HIVEP2: variants seen among roughly 807,000 people sequenced by gnomAD.
The protein encoded by HIVEP2 is transcription factor HIVEP2.
HIVEP2 carries 14 observed loss-of-function variants against 180.7 expected under a neutral mutation model. The observed-to-expected ratio is 0.08, with a 90% confidence interval of 0.05 to 0.12. The LOEUF (loss-of-function observed/expected upper bound fraction) is 0.12. Ranked by LOEUF, HIVEP2 falls within the 10% of genes least tolerant of loss-of-function variation. The probability of loss-of-function intolerance (pLI) is 1.00; values close to 1 mark genes in which losing one functional copy is unlikely to be tolerated. For synonymous variants in HIVEP2, 1,184 were observed against 1,136.4 expected, an observed-to-expected ratio of 1.04 and a Z score of -0.84; for missense variants, 2,579 against 3,008.5, an observed-to-expected ratio of 0.86 and a Z score of 3.34.
At chr6:142,787,344 T>C (rs141516467) in intron 2 of HIVEP2, among the ~76,000 whole-genome samples, 70 of 152,150 alleles carry the variant, frequency 4.6e-4, no homozygotes, top group Middle Eastern at 3.4e-3. Flanking sequence ...CAAGATATGA[T>C]AGTTTTATTT....
At chr6:142,936,933 T>G (rs1778073676) in intron 1 of HIVEP2, among the ~76,000 whole-genome samples, 1 of 152,114 alleles carries the variant, frequency 6.6e-6, no homozygotes, top group South Asian at 2.1e-4. Context: ...ATTAATAAAT[T>G]TTTTTAGAAT....
At chr6:142,822,799 G>A (rs896974381) in intron 2 of HIVEP2, among the ~76,000 whole-genome samples, 6 of 152,112 alleles carry the variant, frequency 3.9e-5, no homozygotes, top group African/African-American at 9.7e-5. Context: ...AGATTTACAG[G>A]ATAGAAGTGT....
At chr6:142,781,243 T>C (rs1481362543) in intron 3 of HIVEP2, among the ~76,000 whole-genome samples, 3 of 152,178 alleles carry the variant, frequency 2.0e-5, no homozygotes, top group Non-Finnish European at 2.9e-5. Context: ...TCCTAATCAA[T>C]TGATATATCA....
rs562355435 is a variant in HIVEP2, at chr6:142,800,809, G to C, written c.-527-17194C>G. On this transcript the variant is annotated intron_variant, in intron 2 of 9. Transcript: ENST00000367603. ...GGAAAGATCCTTCTGTTCTGATGTT[G>C]AGTGTCTCTCCCTAGGCTAATCCAA... is the stretch of plus-strand genomic sequence containing the variant. Among the ~76,000 whole-genome samples the C allele has an allele frequency of 1.9e-3, 289 of 152,250 alleles. 4 individuals carry two copies. The highest frequency in any genetic ancestry group is 6.4e-3 in the African/African-American group (266 of 41,550).
At position 142,791,161 on chromosome 6, in the gene HIVEP2, C is replaced by A. The variant is rs575411689; in HGVS notation, c.-527-7546G>T. Among the ~76,000 whole-genome samples, 5 of 152,254 alleles carry A rather than the reference C, an allele frequency of 3.3e-5. No homozygotes were observed. The East Asian group carries it at 9.7e-4, about 29-fold the overall frequency. ...CAGGAAACCAAAGAACAAATCTGGA[C>A]TCACACTGTCCCAGGTTCTATAAGG... is the stretch of plus-strand genomic sequence containing the variant. On this transcript the variant is annotated intron_variant, in intron 2 of 9. Coordinates refer to ENST00000367603, the MANE Select transcript of HIVEP2 (RefSeq NM_006734.4).
At chr6:142,851,442 A>C (rs192638721) in intron 1 of HIVEP2, among the ~76,000 whole-genome samples, 1 of 152,384 alleles carries the variant, frequency 6.6e-6, no homozygotes, top group African/African-American at 2.4e-5. Flanking sequence ...GAAATGAAAG[A>C]TCTAGAAACG....
intron 1 of HIVEP2, among the ~76,000 whole-genome samples, chr6:142,843,617 G>A (rs192722732): frequency 1.9e-3 from 296 of 152,322 alleles, no homozygotes; most frequent in Middle Eastern, 0.017. Context: ...CTGCTTTGTG[G>A]TTATAGATAT....
In HIVEP2 at chr6:142,772,605, T is replaced by C. The variant is rs199837959; in HGVS notation, c.2134A>G (p.Ile712Val). The change falls in exon 5 of 10, where the codon ATC (isoleucine) becomes GTC (valine). Residue 712 changes from isoleucine to valine, a missense_variant. Transcript: ENST00000367603. The surrounding 1 kb of genome is among the most constrained non-coding windows in gnomAD (Gnocchi z 4.9). ...GGAGTGCTTACAATGCTGCTGCAGA[T>C]CATGGGCGTGTCCTCTTCATCCCCT... is the stretch of plus-strand genomic sequence containing the variant. Reference protein sequence around the residue: ...SVGDEEDTPMICSSIVSTPVG... With the variant: ...SVGDEEDTPMVCSSIVSTPVG... 6.2e-7 allele frequency: 1 copy of C among 1,614,224 alleles called. No individual in the cohort carries two copies. The highest frequency in any genetic ancestry group is 1.7e-5 in the Admixed American group (1 of 60,028).
chr6:142,797,337 TCA>T (rs1327203161), intron 2 of HIVEP2, among the ~76,000 whole-genome samples: 3 of 152,202 alleles, frequency 2.0e-5, no homozygotes, highest in Non-Finnish European at 4.4e-5. Context: ...CTAAATGATT[TCA>T]CAATACTTTC....
intron 1 of HIVEP2, among the ~76,000 whole-genome samples, chr6:142,907,603 C>G (rs1356767012): frequency 6.6e-6 from 1 of 152,196 alleles, no homozygotes; most frequent in Non-Finnish European, 1.5e-5. Flanking sequence ...TGCCTCTACC[C>G]TACTCCAGCA....
intron 7 of HIVEP2, among the ~76,000 whole-genome samples, 197 bp from the exon 8 acceptor site, chr6:142,761,762 G>A (rs1350810585): frequency 2.6e-5 from 4 of 152,152 alleles, no homozygotes; most frequent in African/African-American, 9.7e-5. Flanking sequence ...ATCCCTGAGA[G>A]CTTTGGCCCA....
intron 1 of HIVEP2, among the ~76,000 whole-genome samples, chr6:142,887,461 G>A (rs1776730828): frequency 6.6e-6 from 1 of 152,090 alleles, no homozygotes; most frequent in South Asian, 2.1e-4. Flanking sequence ...AGTCATGGTG[G>A]TCTATGCTGG....
At chr6:142,892,607 CT>C in intron 1 of HIVEP2, among the ~76,000 whole-genome samples, 1 of 152,154 alleles carries the variant, frequency 6.6e-6, no homozygotes, top group East Asian at 1.9e-4. Context: ...TCTATAAATG[CT>C]TATAATAGAT....
At position 142,753,905 on chromosome 6, in the gene HIVEP2, A is replaced by T; in HGVS notation, c.6543T>A (p.Val2181=). The change falls in exon 10 of 10, where the codon GTT becomes GTA. Residue 2181 remains valine, a synonymous_variant. Coordinates refer to ENST00000367603, the MANE Select transcript of HIVEP2 (RefSeq NM_006734.4). ...PPNLRRGLPQ[V]PYFSLYGDQE... ...GGTCTCCATAGAGACTGAAGTAAGG[A>T]ACCTGAGGTAATCCTCTTCTTAAAT... is the stretch of plus-strand genomic sequence containing the variant. 6.2e-7 allele frequency: 1 copy of T among 1,601,140 alleles called. No homozygotes were observed. Among genetic ancestry groups the T allele is most frequent in the Non-Finnish European group, 8.5e-7 (1 of 1,171,408 alleles).
chr6:142,777,648 C>CAAAAAAAAAAAAAAAAAAA (rs58304452), intron 3 of HIVEP2, among the ~76,000 whole-genome samples: 1 of 27,674 alleles, frequency 3.6e-5, no homozygotes, highest in Non-Finnish European at 5.7e-5. Context: ...AACTCCATCT[C>CAAAAAAAAAAAAAAAAAAA]AAAAAAAAAA....
chr6:142,828,923 C>T (rs562101939), intron 2 of HIVEP2, among the ~76,000 whole-genome samples: 1 of 152,186 alleles, frequency 6.6e-6, no homozygotes, highest in Admixed American at 6.5e-5. Flanking sequence ...ATAGCCAATC[C>T]CAAGCCAAAG....
chr6:142,867,302 C>A (rs1365894644), intron 1 of HIVEP2, among the ~76,000 whole-genome samples: 1 of 152,036 alleles, frequency 6.6e-6, no homozygotes, highest in Non-Finnish European at 1.5e-5. Context: ...GACTACACAT[C>A]AGTGGTCTTT....
At position 142,767,902 on chromosome 6, in the gene HIVEP2, A is replaced by G. The variant is rs138996069; in HGVS notation, c.5342+480T>C. ...CTTGGATCCTGGGACAGAAAAGGAT[A>G]TTGATGGAACTGGTGAAATCCCATT... On this transcript the variant is annotated intron_variant, in intron 6 of 9. Transcript: ENST00000367603. 1.4e-4 allele frequency among the ~76,000 whole-genome samples: 22 copies of G among 152,338 alleles called. No individual in the cohort carries two copies. The East Asian group carries it at 4.2e-3, about 29-fold the overall frequency.
At chr6:142,805,416 C>T (rs1776523152) in intron 2 of HIVEP2, among the ~76,000 whole-genome samples, 1 of 149,112 alleles carries the variant, frequency 6.7e-6, no homozygotes, top group Non-Finnish European at 1.5e-5. Flanking sequence ...CAGATCCCAA[C>T]ACTGCCCCCC....
Sources: gnomAD v4.1 joint callset for allele counts (sites outside exome capture counted in the v4.1 genomes callset) on GRCh38, gnomAD v4.1.1 for gene constraint, Gnocchi (gnomAD v3.1) non-coding constraint, MANE v1.5 for transcripts, NCBI Gene and HGNC (gene_info 2026-07-23, HGNC 2026-07-21) for gene names.